PTPRU: variants seen among roughly 807,000 people sequenced by gnomAD.
The protein encoded by PTPRU is receptor-type tyrosine-protein phosphatase U.
A neutral mutation model predicts 166.3 loss-of-function variants in PTPRU; 69 were observed. The observed-to-expected ratio is 0.41, with a 90% confidence interval of 0.34 to 0.51. PTPRU has a LOEUF of 0.51. Among genes scored for constraint, PTPRU ranks in the 20% least tolerant of loss-of-function variants. PTPRU has a pLI of 0.09. For missense variants in PTPRU, 1,657 were observed against 2,013.7 expected, an observed-to-expected ratio of 0.82 and a Z score of 3.39; for synonymous variants, 793 against 814.0, an observed-to-expected ratio of 0.97 and a Z score of 0.44.
chr1:29,250,875 G>T (rs942335984), intron 1 of PTPRU, among the ~76,000 whole-genome samples: 1 of 152,240 alleles, frequency 6.6e-6, no homozygotes, highest in African/African-American at 2.4e-5. Flanking sequence ...CCCACTATGA[G>T]CTGGAGCTAG....
intron 1 of PTPRU, among the ~76,000 whole-genome samples, chr1:29,249,078 C>T (rs1684424947): frequency 6.6e-6 from 1 of 152,208 alleles, no homozygotes; most frequent in Non-Finnish European, 1.5e-5. Context: ...GAAAAAGATC[C>T]CGGTCTTCCG....
intron 1 of PTPRU, among the ~76,000 whole-genome samples, chr1:29,254,419 A>G (rs888011195): frequency 3.9e-5 from 6 of 152,062 alleles, no homozygotes; most frequent in Non-Finnish European, 8.8e-5. Context: ...TCTCATTTCA[A>G]CTGTTAGTAC....
intron 7 of PTPRU, among the ~76,000 whole-genome samples, chr1:29,273,390 C>A (rs1685658748): frequency 6.6e-6 from 1 of 152,114 alleles, no homozygotes; most frequent in Non-Finnish European, 1.5e-5. Flanking sequence ...TGCTTCAGCT[C>A]CCTGAGTAGC....
At chr1:29,325,351 G>A in intron 29 of PTPRU, 25 bp downstream of exon 29, 1 of 1,612,652 alleles carries the variant, frequency 6.2e-7, no homozygotes, top group Non-Finnish European at 8.5e-7. Flanking sequence ...CCCGTGCCCA[G>A]CCACTTCCAC....
chr1:29,308,838 A>G (rs1687521911), intron 18 of PTPRU, among the ~76,000 whole-genome samples: 1 of 151,910 alleles, frequency 6.6e-6, no homozygotes, highest in African/African-American at 2.4e-5. Flanking sequence ...CCTGGGTAAC[A>G]TAGTGAGACC....
chr1:29,258,901 T>C, intron 3 of PTPRU, 125 bp downstream of exon 3: 1 of 1,383,602 alleles, frequency 7.2e-7, no homozygotes, highest in Non-Finnish European at 9.6e-7. Context: ...AGAGGCAACC[T>C]GTGGTCAAGG....
intron 15 of PTPRU, among the ~76,000 whole-genome samples, chr1:29,294,556 C>T (rs897147701): frequency 1.3e-5 from 2 of 152,136 alleles, no homozygotes; most frequent in African/African-American, 4.8e-5. Context: ...TTTGGATGAA[C>T]AGAAGATTTT....
At chr1:29,244,816 G>A (rs1289186011) in intron 1 of PTPRU, among the ~76,000 whole-genome samples, 1 of 152,212 alleles carries the variant, frequency 6.6e-6, no homozygotes, top group Non-Finnish European at 1.5e-5. Flanking sequence ...GGTTAGAACA[G>A]GTCCTGCACA....
At chr1:29,293,910 G>A (rs1010608789) in intron 15 of PTPRU, among the ~76,000 whole-genome samples, 13 of 152,236 alleles carry the variant, frequency 8.5e-5, no homozygotes, top group Non-Finnish European at 1.8e-4. Context: ...CCATGTGGAT[G>A]TTTTGCTGCA....
chr1:29,324,846 C>T (rs1248493192), intron 28 of PTPRU, among the ~76,000 whole-genome samples: 2 of 150,632 alleles, frequency 1.3e-5, no homozygotes, highest in African/African-American at 2.4e-5. Context: ...CTGCCCCTCA[C>T]CTTGGGCTCT....
In PTPRU at chr1:29,315,991, T is replaced by C. The variant is rs764931609; in HGVS notation, c.3364-11T>C. On this transcript the variant is annotated splice_polypyrimidine_tract_variant and intron_variant, in intron 23 of 29. Coordinates refer to ENST00000373779, the MANE Select transcript of PTPRU (RefSeq NM_133178.4). This position sits in a 1 kb window ranked among gnomAD's most constrained non-coding sequence, Gnocchi z 4.5. ...GCCCCTCCTCGGCCTCATTCTCATC[T>C]CCTGTTCCAGGAGCAGTACATCTTC... is the stretch of plus-strand genomic sequence containing the variant. The C allele has an allele frequency of 1.9e-6, 3 of 1,613,886 alleles. No individual in the cohort carries two copies.
At chr1:29,263,647 C>T (rs1685166154) in intron 7 of PTPRU, among the ~76,000 whole-genome samples, 1 of 152,164 alleles carries the variant, frequency 6.6e-6, no homozygotes, top group East Asian at 1.9e-4. Context: ...GCATCCTTGT[C>T]ACCACTTGTT....
rs1365617963 is a variant in PTPRU at position 29,269,219 on chromosome 1, C to CAAATATATATATATATAT, written c.1145-6228_1145-6227insAATATATATATATATATA. Among the ~76,000 whole-genome samples the CAAATATATATATATATAT allele has an allele frequency of 4.2e-4, 18 of 42,408 alleles. 1 individual carries two copies. Among genetic ancestry groups the CAAATATATATATATATAT allele is most frequent in the Admixed American group, 8.6e-4 (2 of 2,336 alleles). The allele number at this position is 42,408 out of a possible 152,430, so 27.8% of individuals were successfully genotyped here. On this transcript the variant is annotated intron_variant, in intron 7 of 29. Coordinates refer to ENST00000373779, the MANE Select transcript of PTPRU (RefSeq NM_133178.4). ...CCACCATGCCCAGCTAATTTATATA[C>CAAATATATATATATATAT]ATATATATATATATATATATATATA...
At chr1:29,255,835 T>G (rs1280429389) in intron 2 of PTPRU, among the ~76,000 whole-genome samples, 1 of 152,200 alleles carries the variant, frequency 6.6e-6, no homozygotes, top group Non-Finnish European at 1.5e-5. Context: ...GTATAAAACC[T>G]TCCTTCCTCT....
chr1:29,259,679 A>C, intron 5 of PTPRU, 115 bp downstream of exon 5: 1 of 1,253,646 alleles, frequency 8.0e-7, no homozygotes, highest in Middle Eastern at 2.8e-4. Context: ...AGCACTGCGC[A>C]CAGCGTCCCG....
At chr1:29,304,103 C>G in intron 16 of PTPRU, 58 bp downstream of exon 16, 1 of 1,541,646 alleles carries the variant, frequency 6.5e-7, no homozygotes, top group Admixed American at 1.8e-5. Flanking sequence ...GGCTCTTACT[C>G]TCTGTGGACT....
At position 29,317,646 on chromosome 1, in the gene PTPRU, TA is replaced by T; in HGVS notation, c.3514-98del. The T allele has an allele frequency of 1.5e-6, 2 of 1,309,220 alleles. No individual in the cohort carries two copies. Among genetic ancestry groups the T allele is most frequent in the Non-Finnish European group, 2.1e-6 (2 of 956,098 alleles). The allele number at this position is 1,309,220 out of a possible 1,614,324, so 81.1% of individuals were successfully genotyped here. ...CTCTGGACCTCAGTTTCTCCATCCATAAAATGGGATTAGTAACTCAGTCCAG... is the reference window on the plus strand; with the variant it reads ...CTCTGGACCTCAGTTTCTCCATCCATAAATGGGATTAGTAACTCAGTCCAG... On this transcript the variant is annotated intron_variant, in intron 24 of 29. Transcript: ENST00000373779. This position sits in a 1 kb window ranked among gnomAD's most constrained non-coding sequence, Gnocchi z 5.6.
At chr1:29,276,451 G>T (rs936970710) in intron 8 of PTPRU, among the ~76,000 whole-genome samples, 2 of 152,124 alleles carry the variant, frequency 1.3e-5, no homozygotes, top group Non-Finnish European at 1.5e-5. Flanking sequence ...AAGTAGCTGG[G>T]ACTATAGACG....
chr1:29,260,732 C>T lies in PTPRU; in HGVS notation c.973C>T (p.Arg325Cys), dbSNP rs759602878. Residue 325 changes from arginine to cysteine, a missense_variant, in exon 7 of 30, where the codon CGC (arginine) becomes TGC (cysteine). Arg to Cys is a radical substitution (Grantham distance 180, BLOSUM62 -3). Coordinates refer to ENST00000373779, the MANE Select transcript of PTPRU (RefSeq NM_133178.4). This position sits in a 1 kb window ranked among gnomAD's most constrained non-coding sequence, Gnocchi z 8.3. ...GATCGTGCGCAAGGAGATTGAGTAC[C>T]GCATGGCGCGCGGGCCCTGGGCTGA... ...GPIVRKEIEY[R>C]MARGPWAEVH... 2 of 1,609,570 alleles carry T rather than the reference C, an allele frequency of 1.2e-6. No homozygotes were observed. Among genetic ancestry groups the T allele is most frequent in the Admixed American group, 1.7e-5 (1 of 59,258 alleles).
Sources: allele counts gnomAD v4.1 joint callset (sites outside exome capture counted in the v4.1 genomes callset), GRCh38; gene constraint gnomAD v4.1.1; non-coding constraint Gnocchi (gnomAD v3.1); transcripts MANE v1.5; gene names NCBI Gene and HGNC (gene_info 2026-07-23, HGNC 2026-07-21).